Variants in MMP26 observed in about 807,000 individuals in gnomAD.
MMP26 encodes matrix metallopeptidase 26.
In MMP26, 33 loss-of-function variants were observed where a neutral mutation model predicts 31.0. The ratio of observed to expected loss-of-function variants is 1.06; its 90% CI spans 0.81 to 1.42. MMP26 has a LOEUF of 1.42. Ranked by LOEUF, MMP26 falls within the 40% of genes most tolerant of loss-of-function variation. The pLI, the probability that MMP26 is intolerant of heterozygous loss-of-function variation, is 0.00. For synonymous variants in MMP26, 122 were observed against 114.9 expected (o/e 1.06, Z -0.40); for missense variants, 347 against 316.1 (o/e 1.10, Z -0.74).
chr11:4,958,983 A>G (rs1270905484), intron 2 of MMP26, among the ~76,000 whole-genome samples: 3 of 152,214 alleles, frequency 2.0e-5, no homozygotes, highest in Admixed American at 6.5e-5. Context: ...TCACGCCTGT[A>G]ATCCCACCAC....
chr11:4,888,803 A>G (rs1188108939), intron 2 of MMP26, among the ~76,000 whole-genome samples: 1 of 152,212 alleles, frequency 6.6e-6, no homozygotes, highest in African/African-American at 2.4e-5. Flanking sequence ...AGCTGACAAT[A>G]GACTTCTTTC....
At chr11:4,904,618 C>T (rs1021960196) in intron 2 of MMP26, among the ~76,000 whole-genome samples, 9 of 152,076 alleles carry the variant, frequency 5.9e-5, no homozygotes, top group Non-Finnish European at 8.8e-5. Context: ...CATGTCAGTA[C>T]TTCTGAATAA....
chr11:4,962,646 A>G lies in MMP26; in HGVS notation c.-144-25422A>G, dbSNP rs1407571509. ...AGCCAGATCCAGGTACGGGATTTTA[A>G]TTTTTTTCTGTGTTGAAATAGTAAT... On this transcript the variant is annotated intron_variant, in intron 2 of 7. Coordinates refer to ENST00000380390, the MANE Select transcript of MMP26 (RefSeq NM_021801.5). Among the ~76,000 whole-genome samples the G allele has an allele frequency of 3.3e-5, 5 of 152,222 alleles. No homozygotes were observed. In the East Asian group the frequency reaches 7.7e-4, roughly 24 times the overall value.
intron 2 of MMP26, among the ~76,000 whole-genome samples, chr11:4,780,457 A>G (rs1395586936): frequency 1.3e-5 from 2 of 152,014 alleles, no homozygotes; most frequent in Non-Finnish European, 2.9e-5. Flanking sequence ...TATTGGACAC[A>G]TGGATATCTT....
At chr11:4,789,558 T>C (rs911553282) in intron 2 of MMP26, among the ~76,000 whole-genome samples, 2 of 137,254 alleles carry the variant, frequency 1.5e-5, no homozygotes, top group African/African-American at 6.0e-5. Context: ...TTTTTTTTTT[T>C]TGAGATGGAG....
chr11:4,866,112 G>A (rs573834713), intron 2 of MMP26, among the ~76,000 whole-genome samples: 35 of 152,152 alleles, frequency 2.3e-4, no homozygotes, highest in African/African-American at 8.2e-4. Context: ...ACCAAGATGT[G>A]TATACTCATG....
Position 4,815,870 on chromosome 11 carries a change from T to G in MMP26, c.-145+48529T>G, listed in dbSNP as rs542416758. On this transcript the variant is annotated intron_variant, in intron 2 of 7. Coordinates refer to ENST00000380390, the MANE Select transcript of MMP26 (RefSeq NM_021801.5). ...ATTTAGAATTCAGGCTCCATTTCAG[T>G]CCTAATGAGTCAGAATTTTCATTTT... Among the ~76,000 whole-genome samples, 113 of 152,270 alleles carry G rather than the reference T, an allele frequency of 7.4e-4. 2 individuals carry two copies. Among genetic ancestry groups the G allele is most frequent in the Admixed American group, 7.2e-4 (11 of 15,290 alleles).
At chr11:4,801,772 C>T (rs545098063) in intron 2 of MMP26, among the ~76,000 whole-genome samples, 1 of 152,140 alleles carries the variant, frequency 6.6e-6, no homozygotes, top group African/African-American at 2.4e-5. Flanking sequence ...GATCTCTTGA[C>T]CTCGTGATCC....
chr11:4,966,307 A>T (rs143310112), intron 2 of MMP26, among the ~76,000 whole-genome samples: 1 of 152,138 alleles, frequency 6.6e-6, no homozygotes, highest in Non-Finnish European at 1.5e-5. Context: ...CTAAGAGGAA[A>T]CATCAGGGGT....
At chr11:4,812,054 G>A (rs1316255858) in intron 2 of MMP26, among the ~76,000 whole-genome samples, 7 of 152,122 alleles carry the variant, frequency 4.6e-5, no homozygotes, top group Non-Finnish European at 7.4e-5. Flanking sequence ...GCCCAATAAA[G>A]GTTGGTTACG....
At chr11:4,863,146 A>G (rs1437818007) in intron 2 of MMP26, among the ~76,000 whole-genome samples, 2 of 152,100 alleles carry the variant, frequency 1.3e-5, no homozygotes, top group Non-Finnish European at 2.9e-5. Flanking sequence ...TTCCATGCAA[A>G]TAGTTGATTC....
chr11:4,964,139 G>A (rs1237125280), intron 2 of MMP26, among the ~76,000 whole-genome samples: 3 of 151,770 alleles, frequency 2.0e-5, no homozygotes, highest in Non-Finnish European at 4.4e-5. Flanking sequence ...TCAATTTTTG[G>A]TTTTGTTGCA....
At chr11:4,766,596 A>G (rs1848631490) in intron 1 of MMP26, among the ~76,000 whole-genome samples, 1 of 151,872 alleles carries the variant, frequency 6.6e-6, no homozygotes, top group Non-Finnish European at 1.5e-5. Context: ...TGATTTAATT[A>G]ACTCACATCA....
intron 2 of MMP26, chr11:4,973,132 G>A (rs1050254078): frequency 4.8e-6 from 1 of 206,674 alleles, no homozygotes; most frequent in Admixed American, 4.5e-5. Context: ...GCACATAGAA[G>A]ATGAGCACAG....
intron 2 of MMP26, among the ~76,000 whole-genome samples, chr11:4,897,274 G>A (rs1850720520): frequency 6.6e-6 from 1 of 151,966 alleles, no homozygotes; most frequent in African/African-American, 2.4e-5. Flanking sequence ...TGAGTAACTG[G>A]GATTACAGAC....
intron 1 of MMP26, among the ~76,000 whole-genome samples, chr11:4,745,454 A>G (rs940988621): frequency 6.6e-6 from 1 of 152,182 alleles, no homozygotes; most frequent in East Asian, 1.9e-4. Flanking sequence ...ACTTTGTTAG[A>G]TAAGTTTTAG....
At chr11:4,737,594 G>A (rs1848258197) in intron 1 of MMP26, among the ~76,000 whole-genome samples, 1 of 152,192 alleles carries the variant, frequency 6.6e-6, no homozygotes. Context: ...GGTGAGCCGA[G>A]ATCACGCCTT....
chr11:4,763,808 C>A lies in MMP26; in HGVS notation c.-216-3462C>A, dbSNP rs114559140. On this transcript the variant is annotated intron_variant, in intron 1 of 7. Transcript: ENST00000380390. ...AGATGATTTTGCACATTTTTAAATT[C>A]TCCTAAATTGTCACAGATTAATAAT... 6.7e-3 allele frequency among the ~76,000 whole-genome samples: 1,026 copies of A among 152,186 alleles called. 12 individuals are homozygous for A. The highest frequency in any genetic ancestry group is 0.024 in the African/African-American group (996 of 41,540).
intron 2 of MMP26, among the ~76,000 whole-genome samples, chr11:4,775,695 G>A (rs1848781718): frequency 6.6e-6 from 1 of 151,856 alleles, no homozygotes; most frequent in South Asian, 2.1e-4. Context: ...ATGGCTGAAA[G>A]TGAAGGGTAG....
Sources: allele counts gnomAD v4.1 joint callset (sites outside exome capture counted in the v4.1 genomes callset), GRCh38; gene constraint gnomAD v4.1.1; transcripts MANE v1.5; gene names NCBI Gene and HGNC (gene_info 2026-07-23, HGNC 2026-07-21).